Variants in NKAIN3 observed in about 807,000 individuals in gnomAD.
NKAIN3 encodes sodium/potassium-transporting ATPase subunit beta-1-interacting protein 3.
In NKAIN3, 25 loss-of-function variants were observed where a neutral mutation model predicts 30.2. The observed-to-expected ratio is 0.83, with a 90% CI of 0.60 to 1.16. The LOEUF is 1.16. NKAIN3 is among the 50% of genes most tolerant of loss of function. The pLI, the probability that NKAIN3 is intolerant of heterozygous loss-of-function variation, is 0.00. For synonymous variants in NKAIN3, 91 were observed against 89.6 expected, an observed-to-expected ratio of 1.02 and a Z score of -0.09; for missense variants, 225 against 254.1, an observed-to-expected ratio of 0.89 and a Z score of 0.78.
chr8:62,679,811 G>C (rs1407571472), intron 3 of NKAIN3, among the ~76,000 whole-genome samples: 1 of 152,148 alleles, frequency 6.6e-6, no homozygotes, highest in Non-Finnish European at 1.5e-5. Context: ...CCTCCCACCA[G>C]GCCCTACCTC....
At chr8:62,629,243 C>G (rs188249391) in intron 3 of NKAIN3, among the ~76,000 whole-genome samples, 273 of 152,196 alleles carry the variant, frequency 1.8e-3, no homozygotes, top group African/African-American at 5.9e-3. Context: ...TGTATTTCAT[C>G]CTCACCTCTA....
chr8:62,505,960 G>A (rs1266909810), intron 1 of NKAIN3, among the ~76,000 whole-genome samples: 2 of 151,946 alleles, frequency 1.3e-5, no homozygotes, highest in Non-Finnish European at 1.5e-5. Flanking sequence ...GCCTCAAGAG[G>A]CAACCCATAT....
In NKAIN3 at chr8:62,308,487, G is replaced by C. The variant is rs189984715; in HGVS notation, c.54+59360G>C. On this transcript the variant is annotated intron_variant, in intron 1 of 6. Coordinates refer to ENST00000623646, the MANE Select transcript of NKAIN3 (RefSeq NM_001304533.3). ...TTTTATCAGTGAAGGCCATGATCAA[G>C]AGCTGTATTTTAGAAGATTATGTTA... Among the ~76,000 whole-genome samples, 49 of 150,744 alleles carry C rather than the reference G, an allele frequency of 3.3e-4. 2 individuals carry two copies. Among genetic ancestry groups the C allele is most frequent in the Admixed American group, 2.8e-3 (42 of 15,226 alleles).
chr8:62,771,082 G>T (rs1586179327), intron 4 of NKAIN3, among the ~76,000 whole-genome samples: 2 of 151,000 alleles, frequency 1.3e-5, no homozygotes, highest in South Asian at 4.2e-4. Context: ...ATCAGACAAA[G>T]ACTTCAAAGT....
intron 1 of NKAIN3, among the ~76,000 whole-genome samples, chr8:62,278,278 C>T (rs1813032634): frequency 6.6e-6 from 1 of 152,046 alleles, no homozygotes; most frequent in South Asian, 2.1e-4. Context: ...AGTCATCATA[C>T]CCTAGAATAA....
intron 3 of NKAIN3, among the ~76,000 whole-genome samples, chr8:62,702,607 A>G (rs761561446): frequency 1.3e-5 from 2 of 152,142 alleles, no homozygotes; most frequent in Non-Finnish European, 2.9e-5. Context: ...GGTTTTCTAG[A>G]TGGTTTCAAA....
At chr8:62,322,334 C>T (rs1814957154) in intron 1 of NKAIN3, among the ~76,000 whole-genome samples, 1 of 152,106 alleles carries the variant, frequency 6.6e-6, no homozygotes, top group Non-Finnish European at 1.5e-5. Flanking sequence ...TACCCACTGT[C>T]CTGCACCCAC....
chr8:62,703,961 T>C (rs1321627045), intron 3 of NKAIN3, among the ~76,000 whole-genome samples: 1 of 152,166 alleles, frequency 6.6e-6, no homozygotes, highest in Non-Finnish European at 1.5e-5. Context: ...TACTCTAAAA[T>C]TTCTGGATGA....
intron 3 of NKAIN3, among the ~76,000 whole-genome samples, chr8:62,692,543 T>G (rs1814014704): frequency 6.6e-6 from 1 of 152,192 alleles, no homozygotes; most frequent in Non-Finnish European, 1.5e-5. Context: ...TATGATCAGT[T>G]GAAGCAACCA....
intron 1 of NKAIN3, among the ~76,000 whole-genome samples, chr8:62,433,624 G>T (rs562309748): frequency 6.6e-6 from 1 of 152,084 alleles, no homozygotes; most frequent in African/African-American, 2.4e-5. Flanking sequence ...CCCTAAGCAA[G>T]TTCTGTGTCC....
Position 62,973,514 on chromosome 8 carries a change from GT to G in NKAIN3, c.*8115del, listed in dbSNP as rs1423695573. Among the ~76,000 whole-genome samples the G allele has an allele frequency of 2.0e-5, 3 of 151,636 alleles. No individual in the cohort carries two copies. The highest frequency in any genetic ancestry group is 4.4e-5 in the Non-Finnish European group (3 of 67,820). On this transcript the variant is annotated 3_prime_UTR_variant, in exon 7 of 7. Transcript: ENST00000623646. The stretch of plus-strand genomic sequence containing the variant: ...CCTTAACCCACTTTTTGATGGAGTT[GT>G]TTTTTTTCTTGTAAATTTGTTTAAG...
intron 1 of NKAIN3, among the ~76,000 whole-genome samples, chr8:62,316,102 A>G (rs1052724531): frequency 6.6e-6 from 1 of 152,020 alleles, no homozygotes; most frequent in South Asian, 2.1e-4. Context: ...GTGAAGAAAG[A>G]CATATTTGCT....
chr8:62,925,173 A>G (rs1389654541), intron 5 of NKAIN3, among the ~76,000 whole-genome samples: 2 of 152,168 alleles, frequency 1.3e-5, no homozygotes, highest in African/African-American at 4.8e-5. Flanking sequence ...AATTAATTGC[A>G]TCCCCCACTC....
intron 3 of NKAIN3, among the ~76,000 whole-genome samples, chr8:62,600,903 T>C (rs900611632): frequency 2.6e-5 from 4 of 152,080 alleles, no homozygotes; most frequent in African/African-American, 9.7e-5. Flanking sequence ...CCTTGAATTG[T>C]TCCTTTGCAC....
rs1243652633 is a variant in NKAIN3 at position 62,980,337 on chromosome 8, T to C, written c.*14930T>C. On this transcript the variant is annotated 3_prime_UTR_variant, in exon 7 of 7. Transcript: ENST00000623646. ...GGATTGCTCTTTTCTCCTTCTGGTT[T>C]CTCAAATCTACTTTTAACTTCAAAT... 6.6e-6 allele frequency: 1 copy of C among 152,226 alleles called. No individual in the cohort carries two copies. Among genetic ancestry groups the C allele is most frequent in the Non-Finnish European group, 1.5e-5 (1 of 68,042 alleles). The allele number at this position is 152,226 out of a possible 1,614,324, so 9.4% of individuals were successfully genotyped here. A position where few individuals can be genotyped will look rare whatever the true frequency, so the allele number is the denominator to read the frequency against.
chr8:62,560,201 G>A (rs983188646), intron 1 of NKAIN3, among the ~76,000 whole-genome samples: 8 of 152,006 alleles, frequency 5.3e-5, no homozygotes, highest in African/African-American at 1.4e-4. Context: ...ATTTATCTGT[G>A]TTTAAATTTC....
intron 3 of NKAIN3, among the ~76,000 whole-genome samples, chr8:62,636,260 T>C (rs1452276068): frequency 1.3e-5 from 2 of 152,224 alleles, no homozygotes; most frequent in Non-Finnish European, 2.9e-5. Flanking sequence ...AAATATTCTA[T>C]ATCAGTCTCA....
chr8:62,373,319 T>A (rs763489442), intron 1 of NKAIN3, among the ~76,000 whole-genome samples: 36 of 152,220 alleles, frequency 2.4e-4, no homozygotes, highest in Non-Finnish European at 4.0e-4. Context: ...CTGGCCAGGT[T>A]TACTTTTAAG....
chr8:62,722,802 G>A (rs1815133833), intron 3 of NKAIN3, among the ~76,000 whole-genome samples: 1 of 152,086 alleles, frequency 6.6e-6, no homozygotes, highest in Non-Finnish European at 1.5e-5. Flanking sequence ...GGAGAGTCAG[G>A]CAACAAGAAT....
Sources: gnomAD v4.1 joint callset for allele counts (sites outside exome capture counted in the v4.1 genomes callset) on GRCh38, gnomAD v4.1.1 for gene constraint, MANE v1.5 for transcripts, NCBI Gene and HGNC (gene_info 2026-07-23, HGNC 2026-07-21) for gene names.